The following CDH17 variants were observed in gnomAD, a reference collection of about 807,000 sequenced individuals.
CDH17 encodes cadherin 17.
In CDH17, 67 loss-of-function variants were observed where a neutral mutation model predicts 86.3. The ratio of observed to expected loss-of-function variants is 0.78; its 90% CI spans 0.64 to 0.95. The LOEUF (loss-of-function observed/expected upper bound fraction) is 0.95. Among genes scored for constraint, CDH17 ranks in the 40% least tolerant of loss-of-function variants. CDH17 has a pLI of 0.00. For missense variants in CDH17, 993 were observed against 1,017.6 expected (o/e 0.98, Z 0.33); for synonymous variants, 367 against 366.4 (o/e 1.00, Z -0.02).
chr8:94,148,647 G>GCC, intron 14 of CDH17, 97 bp downstream of exon 14: 1 of 1,004,470 alleles, frequency 1.0e-6, no homozygotes, highest in Middle Eastern at 2.8e-4. Context: ...TGGTGTTTTG[G>GCC]CCCTGTCAGT....
intron 15 of CDH17, among the ~76,000 whole-genome samples, chr8:94,136,059 C>T (rs560548510): frequency 8.5e-5 from 13 of 152,252 alleles, no homozygotes; most frequent in African/African-American, 1.7e-4. Context: ...GTGGGTAACC[C>T]GACCTTTCTC....
At chr8:94,203,755 T>C (rs536759735) in intron 1 of CDH17, among the ~76,000 whole-genome samples, 7 of 152,102 alleles carry the variant, frequency 4.6e-5, no homozygotes, top group African/African-American at 7.2e-5. Flanking sequence ...TGCCTCACAC[T>C]TCAAACAGAT....
chr8:94,202,976 C>A, intron 1 of CDH17: 2 of 308,368 alleles, frequency 6.5e-6, no homozygotes, highest in South Asian at 5.8e-5. Flanking sequence ...CCCTTTTCAC[C>A]TTGCCACTGG....
intron 12 of CDH17, among the ~76,000 whole-genome samples, chr8:94,154,502 A>G (rs2514804): frequency 0.56 from 85,670 of 151,972 alleles, 24,937 homozygotes; most frequent in African/African-American, 0.71. Context: ...GAGGATGGGA[A>G]AGGGAAACAG....
At chr8:94,186,382 G>A (rs144786984) in intron 3 of CDH17, among the ~76,000 whole-genome samples, 4 of 152,112 alleles carry the variant, frequency 2.6e-5, no homozygotes, top group East Asian at 3.9e-4. Context: ...GAAGTTTATC[G>A]CTCATAGTTC....
chr8:94,128,935 C>A (rs1021453915), intron 17 of CDH17, among the ~76,000 whole-genome samples: 1 of 152,120 alleles, frequency 6.6e-6, no homozygotes. Context: ...TTACACTGTG[C>A]AGCTCAGCAC....
At chr8:94,176,412 A>G (rs1813374825) in intron 5 of CDH17, 129 bp downstream of exon 5, 2 of 985,854 alleles carry the variant, frequency 2.0e-6, no homozygotes, top group African/African-American at 1.6e-5. Flanking sequence ...ACAACTCCCA[A>G]ATCAGTGTGA....
At chr8:94,134,504 C>A (rs1453548754) in intron 15 of CDH17, among the ~76,000 whole-genome samples, 1 of 152,070 alleles carries the variant, frequency 6.6e-6, no homozygotes, top group Non-Finnish European at 1.5e-5. Context: ...TGGTGATATT[C>A]CCTTTATCAT....
intron 10 of CDH17, among the ~76,000 whole-genome samples, chr8:94,163,561 A>C (rs934482507): frequency 6.6e-6 from 1 of 152,224 alleles, no homozygotes; most frequent in African/African-American, 2.4e-5. Context: ...AGGGCAGAAA[A>C]TGCTGCTTAC....
chr8:94,186,482 G>A (rs1461408925), intron 3 of CDH17, among the ~76,000 whole-genome samples: 1 of 152,176 alleles, frequency 6.6e-6, no homozygotes, highest in Admixed American at 6.5e-5. Context: ...TTACATGGCA[G>A]AAGAGGCAAA....
chr8:94,198,514 C>G (rs1242535564), intron 1 of CDH17, among the ~76,000 whole-genome samples: 1 of 152,186 alleles, frequency 6.6e-6, no homozygotes, highest in Non-Finnish European at 1.5e-5. Flanking sequence ...ACACGGTCAG[C>G]TATCAACCTG....
At chr8:94,155,870 G>A (rs1253946710) in intron 12 of CDH17, among the ~76,000 whole-genome samples, 1 of 152,210 alleles carries the variant, frequency 6.6e-6, no homozygotes, top group Non-Finnish European at 1.5e-5. Flanking sequence ...GCCTGCCATT[G>A]AGGATTCTAT....
chr8:94,146,389 T>G (rs1304804216), intron 14 of CDH17, among the ~76,000 whole-genome samples: 1 of 152,248 alleles, frequency 6.6e-6, no homozygotes, highest in Non-Finnish European at 1.5e-5. Context: ...CATATATTAC[T>G]TCAAAATAAT....
intron 5 of CDH17, among the ~76,000 whole-genome samples, chr8:94,176,033 C>A (rs1230834882): frequency 6.6e-6 from 1 of 152,082 alleles, no homozygotes; most frequent in Non-Finnish European, 1.5e-5. Flanking sequence ...GGACTACAGG[C>A]ATGCACCACC....
chr8:94,203,220 A>G (rs1813956470), intron 1 of CDH17, among the ~76,000 whole-genome samples: 1 of 152,218 alleles, frequency 6.6e-6, no homozygotes, highest in South Asian at 2.1e-4. Context: ...TCTTAGAGTC[A>G]GTCATCTCTT....
chr8:94,177,005 G>A lies in CDH17; in HGVS notation c.286-326C>T, dbSNP rs185743554. On this transcript the variant is annotated intron_variant, in intron 4 of 17. Coordinates refer to ENST00000027335, the MANE Select transcript of CDH17 (RefSeq NM_004063.4). ...TGTTCTCTTCCAGAGCCATTATGGC[G>A]GTCAGCCTGCAAGGCCTGCAGCAGA... 1.1e-3 allele frequency among the ~76,000 whole-genome samples: 165 copies of A among 152,248 alleles called. 1 individual carries two copies. The highest frequency in any genetic ancestry group is 8.5e-3 in the Admixed American group (130 of 15,286).
chr8:94,152,855 A>C (rs60772007), intron 12 of CDH17, among the ~76,000 whole-genome samples: 4,006 of 152,160 alleles, frequency 0.026, 177 homozygotes, highest in African/African-American at 0.092. Context: ...TTAGTAGAGA[A>C]GGGGGTTTTG....
chr8:94,189,176 G>A lies in CDH17; in HGVS notation c.150+11C>T. ...AAAATCAAGAGGACAGTGATCAAGGGTAGCTTTTACCTGGAATATAATTTG... is the reference window on the plus strand; with the variant it reads ...AAAATCAAGAGGACAGTGATCAAGGATAGCTTTTACCTGGAATATAATTTG... On this transcript the variant is annotated intron_variant, in intron 3 of 17. Transcript: ENST00000027335. The A allele has an allele frequency of 6.3e-7, 1 of 1,590,332 alleles. No individual in the cohort carries two copies. Among genetic ancestry groups the A allele is most frequent in the Non-Finnish European group, 8.6e-7 (1 of 1,160,068 alleles).
chr8:94,166,271 G>A (rs116262335), intron 9 of CDH17, among the ~76,000 whole-genome samples: 2,818 of 152,276 alleles, frequency 0.019, 45 homozygotes, highest in Middle Eastern at 0.071. Context: ...GGTTTCTTCC[G>A]AGGCTTCTCC....
Sources: allele counts gnomAD v4.1 joint callset (sites outside exome capture counted in the v4.1 genomes callset), GRCh38; gene constraint gnomAD v4.1.1; transcripts MANE v1.5; gene names NCBI Gene and HGNC (gene_info 2026-07-23, HGNC 2026-07-21).